Variants in NBDY observed in about 807,000 individuals in gnomAD.
The protein encoded by NBDY is negative regulator of P-body association, also known as P-body dissociating protein.
chrX:56,747,108 A>G (rs2069561768), intron 2 of NBDY, among the ~76,000 whole-genome samples: 1 of 112,094 alleles, frequency 8.9e-6, no homozygotes, highest in African/African-American at 3.2e-5. Context: ...ATAACCTGAC[A>G]CCGAGTGTGT....
chrX:56,781,201 G>A (rs1327751910), intron 2 of NBDY, among the ~76,000 whole-genome samples: 1 of 111,808 alleles, frequency 8.9e-6, no homozygotes, highest in Non-Finnish European at 1.9e-5. Context: ...GCACATACAA[G>A]TATCTTCTCC....
At chrX:56,754,656 A>G (rs1362140901) in intron 2 of NBDY, among the ~76,000 whole-genome samples, 1 of 112,027 alleles carries the variant, frequency 8.9e-6, no homozygotes. Context: ...ATAAATGAAA[A>G]TGAAAACATG....
At chrX:56,749,293 C>A (rs2069571824) in intron 2 of NBDY, among the ~76,000 whole-genome samples, 1 of 110,926 alleles carries the variant, frequency 9.0e-6, no homozygotes, top group East Asian at 2.8e-4. Flanking sequence ...TTTCTATATC[C>A]CATACAACTT....
At chrX:56,752,749 C>T (rs765568230) in intron 2 of NBDY, among the ~76,000 whole-genome samples, 1 of 111,008 alleles carries the variant, frequency 9.0e-6, no homozygotes, top group Non-Finnish European at 1.9e-5. Context: ...GCTGGGATTA[C>T]AGGTGCACAC....
At chrX:56,807,196 A>G (rs188748003) in intron 2 of NBDY, among the ~76,000 whole-genome samples, 418 of 112,221 alleles carry the variant, frequency 3.7e-3, no homozygotes, top group African/African-American at 0.012. Flanking sequence ...TACCAGTATC[A>G]TGCTGTTTTG....
chrX:56,736,198 A>G (rs2069490165), intron 2 of NBDY, among the ~76,000 whole-genome samples: 1 of 112,129 alleles, frequency 8.9e-6, no homozygotes, highest in Non-Finnish European at 1.9e-5. Flanking sequence ...CTGTGGCTCC[A>G]CACTCTCACC....
At chrX:56,741,049 G>T (rs1173166741) in intron 2 of NBDY, among the ~76,000 whole-genome samples, 1 of 110,587 alleles carries the variant, frequency 9.0e-6, no homozygotes, top group Non-Finnish European at 1.9e-5. Context: ...GAGTTCAATT[G>T]TTTTGATTTT....
At chrX:56,808,590 G>A (rs1307621478) in intron 2 of NBDY, among the ~76,000 whole-genome samples, 1 of 111,806 alleles carries the variant, frequency 8.9e-6, no homozygotes, top group African/African-American at 3.3e-5. Flanking sequence ...TATTTCTGTG[G>A]GATCAGTGGT....
chrX:56,737,520 AT>A, intron 2 of NBDY: 3 of 948,163 alleles, frequency 3.2e-6, no homozygotes, highest in Non-Finnish European at 4.5e-6. Flanking sequence ...TTGTAATACC[AT>A]TTTCGAATAC....
At chrX:56,749,775 C>T (rs1375318682) in intron 2 of NBDY, among the ~76,000 whole-genome samples, 1 of 109,923 alleles carries the variant, frequency 9.1e-6, no homozygotes, top group East Asian at 2.9e-4. Context: ...CCTCAACCCC[C>T]CAAGTAGCTG....
At chrX:56,806,203 T>C in intron 2 of NBDY, among the ~76,000 whole-genome samples, 1 of 112,448 alleles carries the variant, frequency 8.9e-6, no homozygotes, top group South Asian at 3.7e-4. Context: ...CCACATTTTC[T>C]TTATCCATCT....
intron 2 of NBDY, among the ~76,000 whole-genome samples, chrX:56,764,115 C>T (rs1290479405): frequency 8.9e-6 from 1 of 111,979 alleles, no homozygotes; most frequent in South Asian, 3.7e-4. Flanking sequence ...CCACAGCTCT[C>T]TCCGAAAAAA....
chrX:56,753,947 A>G lies in NBDY; in HGVS notation c.*166+21748A>G, dbSNP rs772982941. 3.6e-5 allele frequency among the ~76,000 whole-genome samples: 4 copies of G among 111,468 alleles called. No homozygotes were observed. The East Asian group carries it at 1.1e-3, about 32-fold the overall frequency. ...GGAAGTGGGTGAAGATAGGGAAGAC[A>G]TTGCTTCCAGGAATTTGAGCTGTGA... On this transcript the variant is annotated intron_variant, in intron 2 of 2. Transcript: ENST00000374922.
chrX:56,814,077 T>C (rs772743866), intron 2 of NBDY, among the ~76,000 whole-genome samples: 3 of 112,242 alleles, frequency 2.7e-5, no homozygotes, highest in Admixed American at 1.9e-4. Context: ...TTTACTTTTT[T>C]ATTTAGTACT....
rs1234463407 is a variant in NBDY at position 56,818,526 on chromosome X, A to C, written c.*1373A>C. The C allele has an allele frequency of 8.9e-6, 1 of 112,354 alleles. No individual in the cohort carries two copies. Among genetic ancestry groups the C allele is most frequent in the East Asian group, 2.8e-4 (1 of 3,620 alleles). The allele number at this position is 112,354 out of a possible 1,213,427, so 9.3% of individuals were successfully genotyped here. On this transcript the variant is annotated 3_prime_UTR_variant, in exon 3 of 3. Transcript: ENST00000374922. ...CTGAGCCAGGCTGAACATCACAAACAGTAAACACAGACTTCTTTAAAAGGA... is the reference window on the plus strand; with the variant it reads ...CTGAGCCAGGCTGAACATCACAAACCGTAAACACAGACTTCTTTAAAAGGA...
At chrX:56,806,882 C>A (rs1352054693) in intron 2 of NBDY, among the ~76,000 whole-genome samples, 1 of 112,090 alleles carries the variant, frequency 8.9e-6, no homozygotes, top group African/African-American at 3.2e-5. Context: ...GTCATGAAGT[C>A]TTTGCCCACG....
At chrX:56,759,516 T>A (rs2069627705) in intron 2 of NBDY, among the ~76,000 whole-genome samples, 1 of 108,941 alleles carries the variant, frequency 9.2e-6, no homozygotes, top group African/African-American at 3.3e-5. Flanking sequence ...TCCTTCCTAT[T>A]TTTTTTTTTC....
chrX:56,812,499 A>G (rs2069892110), intron 2 of NBDY, among the ~76,000 whole-genome samples: 1 of 109,829 alleles, frequency 9.1e-6, no homozygotes, highest in Non-Finnish European at 1.9e-5. Context: ...CTTATGTACT[A>G]GGGACTTGAT....
At chrX:56,757,183 A>T (rs757075611) in intron 2 of NBDY, among the ~76,000 whole-genome samples, 1 of 112,141 alleles carries the variant, frequency 8.9e-6, no homozygotes, top group Admixed American at 9.4e-5. Context: ...TTCAGTGTCC[A>T]CAAGAGACAT....
Sources: gnomAD v4.1 joint callset for allele counts (sites outside exome capture counted in the v4.1 genomes callset) on GRCh38, gnomAD v4.1.1 for gene constraint, MANE v1.5 for transcripts, NCBI Gene and HGNC (gene_info 2026-07-23, HGNC 2026-07-21) for gene names.